The following SLC39A11 variants were observed in gnomAD, a reference collection of about 807,000 sequenced individuals.
SLC39A11 encodes the protein zinc transporter ZIP11.
A neutral mutation model predicts 36.1 loss-of-function variants in SLC39A11; 33 were observed. The ratio of observed to expected loss-of-function variants is 0.91; its 90% CI spans 0.69 to 1.22. The LOEUF is 1.22. Among genes scored for constraint, SLC39A11 ranks in the 50% most tolerant of loss-of-function variants. SLC39A11 has a pLI of 0.00. For synonymous variants in SLC39A11, 166 were observed against 170.3 expected, an observed-to-expected ratio of 0.97 and a Z score of 0.20; for missense variants, 432 against 430.3, an observed-to-expected ratio of 1.00 and a Z score of -0.03.
intron 4 of SLC39A11, among the ~76,000 whole-genome samples, chr17:72,957,122 C>T (rs922171915): frequency 1.3e-5 from 2 of 152,162 alleles, no homozygotes; most frequent in African/African-American, 4.8e-5. Flanking sequence ...CGTACGCTAA[C>T]CTCAGCATCC....
chr17:72,808,963 T>C (rs2077348621), intron 6 of SLC39A11, among the ~76,000 whole-genome samples: 1 of 152,204 alleles, frequency 6.6e-6, no homozygotes, highest in Non-Finnish European at 1.5e-5. Context: ...GTCTTCTCTT[T>C]CCACTTGGCT....
At chr17:72,882,168 C>T (rs1388546745) in intron 5 of SLC39A11, among the ~76,000 whole-genome samples, 2 of 152,102 alleles carry the variant, frequency 1.3e-5, no homozygotes, top group African/African-American at 2.4e-5. Context: ...GCCTGGCCAA[C>T]ATGTCGAAAC....
chr17:72,753,760 C>T (rs2075244230), intron 6 of SLC39A11, among the ~76,000 whole-genome samples: 1 of 151,690 alleles, frequency 6.6e-6, no homozygotes, highest in African/African-American at 2.4e-5. Context: ...AAGTCTGTTT[C>T]CCTAACAGGC....
rs149212041 is a variant in SLC39A11, at chr17:72,845,450, G to C, written c.601+4184C>G. ...CCTAAAACACTCACTGTTTCCCAGA[G>C]ATCTGCATGACTGACTCAAATTCAA... On this transcript the variant is annotated intron_variant, in intron 6 of 9. Transcript: ENST00000255559. 4.7e-4 allele frequency among the ~76,000 whole-genome samples: 71 copies of C among 152,286 alleles called. No individual in the cohort carries two copies. The East Asian group carries it at 7.3e-3, about 16-fold the overall frequency.
chr17:72,822,278 G>T (rs118135166), intron 6 of SLC39A11, among the ~76,000 whole-genome samples: 1,751 of 146,822 alleles, frequency 0.012, 51 homozygotes, highest in African/African-American at 0.025. Flanking sequence ...AATATATATA[G>T]AGAGAGATTA....
At chr17:72,963,900 A>T (rs2086794896) in intron 4 of SLC39A11, among the ~76,000 whole-genome samples, 1 of 152,202 alleles carries the variant, frequency 6.6e-6, no homozygotes, top group Non-Finnish European at 1.5e-5. Context: ...CTCAAATCAG[A>T]AGAAAAAATA....
At chr17:72,886,772 C>T (rs971420342) in intron 5 of SLC39A11, among the ~76,000 whole-genome samples, 14 of 152,176 alleles carry the variant, frequency 9.2e-5, no homozygotes, top group African/African-American at 1.7e-4. Context: ...TCTTGACTGT[C>T]CCTCAAATAC....
chr17:72,836,678 T>C (rs552220052), intron 6 of SLC39A11, among the ~76,000 whole-genome samples: 16 of 152,278 alleles, frequency 1.1e-4, no homozygotes, highest in African/African-American at 3.8e-4. Context: ...TCTCAGTTTC[T>C]AAAATGTAAA....
At chr17:73,088,868 G>A in intron 1 of SLC39A11, 93 bp from the exon 2 acceptor site, 1 of 906,760 alleles carries the variant, frequency 1.1e-6, no homozygotes, top group Non-Finnish European at 1.7e-6. Flanking sequence ...TGTGGGAGCT[G>A]GCCTCCCTCC....
At chr17:72,973,062 C>T (rs1454531896) in intron 4 of SLC39A11, among the ~76,000 whole-genome samples, 1 of 151,330 alleles carries the variant, frequency 6.6e-6, no homozygotes, top group African/African-American at 2.4e-5. Context: ...CACCACGAAG[C>T]CCACCATAAA....
intron 5 of SLC39A11, among the ~76,000 whole-genome samples, chr17:72,888,146 A>G (rs2081530577): frequency 6.6e-6 from 1 of 152,232 alleles, no homozygotes; most frequent in African/African-American, 2.4e-5. Flanking sequence ...TTCCACAGAT[A>G]TTAGGACGAA....
At chr17:72,722,722 C>T (rs1343317497) in intron 7 of SLC39A11, among the ~76,000 whole-genome samples, 1 of 150,820 alleles carries the variant, frequency 6.6e-6, no homozygotes, top group Non-Finnish European at 1.5e-5. Flanking sequence ...GCAACCTCCG[C>T]CTCCCGGGTT....
intron 3 of SLC39A11, among the ~76,000 whole-genome samples, chr17:73,061,956 G>A (rs1005425901): frequency 2.0e-5 from 3 of 151,962 alleles, no homozygotes; most frequent in African/African-American, 2.4e-5. Flanking sequence ...GTGTGATCAC[G>A]TCACTGCACT....
intron 5 of SLC39A11, among the ~76,000 whole-genome samples, chr17:72,922,021 C>T (rs1376819027): frequency 1.3e-5 from 2 of 152,146 alleles, no homozygotes; most frequent in Non-Finnish European, 2.9e-5. Context: ...GAAGACAAAG[C>T]CAGAATTCCA....
chr17:72,717,396 G>A (rs968957935), intron 7 of SLC39A11, among the ~76,000 whole-genome samples: 45 of 152,218 alleles, frequency 3.0e-4, no homozygotes, highest in African/African-American at 1.0e-3. Flanking sequence ...AGATCAAGTT[G>A]TCCGCAGGGC....
intron 6 of SLC39A11, among the ~76,000 whole-genome samples, chr17:72,750,884 G>A (rs1213436842): frequency 2.0e-5 from 3 of 152,274 alleles, no homozygotes; most frequent in South Asian, 2.1e-4. Context: ...GATAGGCCCC[G>A]TGTGGTCATG....
intron 6 of SLC39A11, among the ~76,000 whole-genome samples, chr17:72,757,936 A>C (rs1293074925): frequency 1.3e-5 from 2 of 152,092 alleles, no homozygotes; most frequent in Non-Finnish European, 2.9e-5. Flanking sequence ...CCCAGGCTGG[A>C]GTGCAGTGGC....
At chr17:72,946,189 T>C (rs2085419056) in intron 5 of SLC39A11, among the ~76,000 whole-genome samples, 1 of 152,212 alleles carries the variant, frequency 6.6e-6, no homozygotes, top group Non-Finnish European at 1.5e-5. Context: ...GAGAAGATGA[T>C]ACCTAAAGCG....
At chr17:72,796,910 T>C (rs2076915560) in intron 6 of SLC39A11, among the ~76,000 whole-genome samples, 1 of 152,020 alleles carries the variant, frequency 6.6e-6, no homozygotes, top group Non-Finnish European at 1.5e-5. Flanking sequence ...ACAGACGAAA[T>C]GATGACCGAG....
Sources: allele counts gnomAD v4.1 joint callset (sites outside exome capture counted in the v4.1 genomes callset), GRCh38; gene constraint gnomAD v4.1.1; transcripts MANE v1.5; gene names NCBI Gene and HGNC (gene_info 2026-07-23, HGNC 2026-07-21).